The following PCDHGA6 variants were observed in gnomAD, a reference collection of about 807,000 sequenced individuals.
The protein encoded by PCDHGA6 is protocadherin gamma-A6.
PCDHGA6 carries 41 observed loss-of-function variants against 60.6 expected under a neutral mutation model. The ratio of observed to expected loss-of-function variants is 0.68; its 90% confidence interval spans 0.53 to 0.88. PCDHGA6 has a LOEUF of 0.88. Ranked by LOEUF, PCDHGA6 falls within the 40% of genes least tolerant of loss-of-function variation. PCDHGA6 has a pLI of 0.00. For missense variants in PCDHGA6, 1,312 were observed against 1,203.0 expected (o/e 1.09, Z -1.34); for synonymous variants, 594 against 524.4 (o/e 1.13, Z -1.81).
Position 141,375,076 on chromosome 5 carries a change from G to T in PCDHGA6, c.993G>T (p.Ala331=). 1 of 1,614,010 alleles carries T rather than the reference G, an allele frequency of 6.2e-7. No homozygotes were observed. The highest frequency in any genetic ancestry group is 8.5e-7 in the Non-Finnish European group (1 of 1,179,900). ...ARDGPGLRDR[A]KVLITILDVN... The stretch of plus-strand genomic sequence containing the variant: ...ATGGGCCAGGTCTTCGAGACAGAGC[G>T]AAAGTCTTAATAACTATCTTGGATG... The change falls in exon 1 of 4, where the codon GCG becomes GCT. Residue 331 remains alanine, a synonymous_variant. Transcript: ENST00000517434.
chr5:141,376,602 A>C, intron 1 of PCDHGA6, 95 bp downstream of exon 1: 1 of 1,521,112 alleles, frequency 6.6e-7, no homozygotes, highest in Non-Finnish European at 8.9e-7. Context: ...CTGTTATAGA[A>C]GCGAACCTCT....
Position 141,400,401 on chromosome 5 carries a change from G to A in PCDHGA6, c.2424+23894G>A, listed in dbSNP as rs760681088. 4 of 1,613,936 alleles carry A rather than the reference G, an allele frequency of 2.5e-6. No homozygotes were observed. The South Asian group carries it at 4.4e-5, about 18-fold the overall frequency. ...TATGTGTTGCACATACAGGAAAGAC[G>A]GAGTTTAATTTCCTAAAATGTAGTG... On this transcript the variant is annotated intron_variant, in intron 1 of 3. Transcript: ENST00000517434.
intron 1 of PCDHGA6, among the ~76,000 whole-genome samples, chr5:141,444,466 C>T (rs539222916): frequency 7.9e-5 from 12 of 152,100 alleles, no homozygotes; most frequent in East Asian, 1.9e-4. Context: ...TCACTGCGCC[C>T]GGTCGCGTAC....
At chr5:141,404,161 ATTG>A in intron 1 of PCDHGA6, 1 of 1,613,152 alleles carries the variant, frequency 6.2e-7, no homozygotes, top group South Asian at 1.1e-5. Context: ...ATTATTACAG[ATTG>A]TTGACGGCCC....
In PCDHGA6 at chr5:141,375,842, C is replaced by A. The variant is rs547807235; in HGVS notation, c.1759C>A (p.Leu587Met). 8.1e-6 allele frequency: 13 copies of A among 1,614,122 alleles called. No homozygotes were observed. Among genetic ancestry groups the A allele is most frequent in the Non-Finnish European group, 1.1e-5 (13 of 1,180,040 alleles). ...LAPRSAEPGY[L>M]VTKVVAVDRD... ...GCCCCGCTCCGCAGAGCCCGGCTAC[C>A]TGGTGACCAAGGTGGTGGCGGTGGA... Residue 587 changes from leucine to methionine, a missense_variant, in exon 1 of 4, where the codon CTG becomes ATG. By Grantham distance (15) the Leu-to-Met change is conservative. Transcript: ENST00000517434.
chr5:141,376,025 G>A lies in PCDHGA6; in HGVS notation c.1942G>A (p.Asp648Asn), dbSNP rs1561571387. ...LKQSLVVAVQDHGQPPLSATV... is the reference protein window; with the variant it reads ...LKQSLVVAVQNHGQPPLSATV... ...GCAGAGCCTAGTGGTGGCCGTCCAG[G>A]ACCACGGCCAGCCCCCTCTCTCCGC... Residue 648 changes from aspartate to asparagine, a missense_variant, in exon 1 of 4, where the codon GAC becomes AAC. Asp to Asn is a conservative substitution (Grantham distance 23). Transcript: ENST00000517434. The A allele has an allele frequency of 6.2e-7, 1 of 1,613,266 alleles. No homozygotes were observed. The highest frequency in any genetic ancestry group is 2.2e-5 in the East Asian group (1 of 44,864).
intron 2 of PCDHGA6, among the ~76,000 whole-genome samples, chr5:141,503,682 G>A (rs1430771639): frequency 1.3e-5 from 2 of 151,974 alleles, no homozygotes; most frequent in South Asian, 4.1e-4. Flanking sequence ...CTTTTGGGAA[G>A]GAGAATTGAG....
At chr5:141,389,822 C>A in intron 1 of PCDHGA6, 3 of 1,613,932 alleles carry the variant, frequency 1.9e-6, no homozygotes, top group Middle Eastern at 1.6e-4. Context: ...CCGTGCGTGA[C>A]GGTGGACAGC....
At position 141,476,719 on chromosome 5, in the gene PCDHGA6, C is replaced by T; in HGVS notation, c.2425-18088C>T. ...ACGCGGAGCTGGTGTTGGAGCGCGC[C>T]CTGGACCGAGAACGGGAGCCTAGTC... On this transcript the variant is annotated intron_variant, in intron 1 of 3. Coordinates refer to ENST00000517434, the MANE Select transcript of PCDHGA6 (RefSeq NM_018919.3). The surrounding 1 kb of genome is among the most constrained non-coding windows in gnomAD (Gnocchi z 7.6). The T allele has an allele frequency of 6.2e-7, 1 of 1,614,154 alleles. No homozygotes were observed.
At chr5:141,395,727 T>G (rs895493332) in intron 1 of PCDHGA6, 1 of 153,998 alleles carries the variant, frequency 6.5e-6, no homozygotes, top group Non-Finnish European at 1.4e-5. Flanking sequence ...TGTAGATTTC[T>G]TCACTTTAAA....
In PCDHGA6 at chr5:141,374,497, G is replaced by A. The variant is rs778938878; in HGVS notation, c.414G>A (p.Leu138=). The change falls in exon 1 of 4, where the codon TTG becomes TTA. Residue 138 remains leucine, a synonymous_variant. Coordinates refer to ENST00000517434, the MANE Select transcript of PCDHGA6 (RefSeq NM_018919.3). ...DNTPRFLKEE[L]EVKILENAAP... ...CACCCCGATTCTTAAAGGAAGAATT[G>A]GAAGTGAAAATTCTCGAAAACGCAG... 7.4e-6 allele frequency: 12 copies of A among 1,611,444 alleles called. No homozygotes were observed. The Admixed American group carries it at 1.2e-4, about 16-fold the overall frequency.
intron 1 of PCDHGA6, chr5:141,405,038 G>C: frequency 6.2e-7 from 1 of 1,613,964 alleles, no homozygotes; most frequent in Non-Finnish European, 8.5e-7. Context: ...CCTCGTTGTG[G>C]CTGTGGCAGT....
rs996353495 is a variant in PCDHGA6, at chr5:141,485,101, T to G, written c.2425-9706T>G. 12 of 1,158,090 alleles carry G rather than the reference T, an allele frequency of 1.0e-5. No individual in the cohort carries two copies. Among genetic ancestry groups the G allele is most frequent in the Non-Finnish European group, 1.4e-5 (11 of 786,830 alleles). The allele number at this position is 1,158,090 out of a possible 1,614,324, so 71.7% of individuals were successfully genotyped here. ...GGAAAGGGAGATAGGTGTCTCCAGC[T>G]GCTGTGGCTGTTTGGGGCGGGTCGG... On this transcript the variant is annotated intron_variant, in intron 1 of 3. Transcript: ENST00000517434. This position sits in a 1 kb window ranked among gnomAD's most constrained non-coding sequence, Gnocchi z 5.7.
intron 1 of PCDHGA6, among the ~76,000 whole-genome samples, chr5:141,475,442 T>A (rs1007534176): frequency 1.3e-5 from 2 of 152,238 alleles, no homozygotes; most frequent in African/African-American, 4.8e-5. Context: ...TAGCTCCAGA[T>A]AATGAGGAAG....
intron 1 of PCDHGA6, chr5:141,398,705 A>G (rs778909536): frequency 6.2e-7 from 1 of 1,613,874 alleles, no homozygotes; most frequent in Admixed American, 1.7e-5. Flanking sequence ...AAATACCCGG[A>G]ACTGGCACTG....
Position 141,410,843 on chromosome 5 carries a change from CTT to C in PCDHGA6, c.2424+34338_2424+34339del, listed in dbSNP as rs1452086070. 5.3e-4 allele frequency: 115 copies of C among 216,326 alleles called. 1 individual carries two copies. In the East Asian group the frequency reaches 7.7e-3, roughly 14 times the overall value. 13.4% of individuals were successfully genotyped at this position (216,326 alleles called of 1,614,324 possible). A position where few individuals can be genotyped will look rare whatever the true frequency, so the allele number is the denominator to read the frequency against. The stretch of plus-strand genomic sequence containing the variant: ...TGTCACCAGACTGAAGATATTTTGT[CTT>C]TGTCTTTTTTTTTTTTTTTTTTTTT... On this transcript the variant is annotated intron_variant, in intron 1 of 3. Transcript: ENST00000517434.
intron 1 of PCDHGA6, chr5:141,405,443 A>G (rs2154536495): frequency 7.2e-7 from 1 of 1,381,938 alleles, no homozygotes; most frequent in Non-Finnish European, 1.0e-6. Flanking sequence ...TTTTTGAGAC[A>G]GAGTCTTACT....
chr5:141,390,479 T>C lies in PCDHGA6; in HGVS notation c.2424+13972T>C, dbSNP rs143576019. On this transcript the variant is annotated intron_variant, in intron 1 of 3. Coordinates refer to ENST00000517434, the MANE Select transcript of PCDHGA6 (RefSeq NM_018919.3). Reference sequence around the variant, plus strand: ...GTAGGAGCAATTGTGTGGCCCAACATTTGTTTGTTTTTTAGCCAAGCTTAG... The same window carrying C: ...GTAGGAGCAATTGTGTGGCCCAACACTTGTTTGTTTTTTAGCCAAGCTTAG... 1.6e-3 allele frequency: 1,064 copies of C among 668,890 alleles called. 6 individuals are homozygous for C. The highest frequency in any genetic ancestry group is 0.016 in the African/African-American group (871 of 55,142). The allele number at this position is 668,890 out of a possible 1,614,324, so 41.4% of individuals were successfully genotyped here.
At chr5:141,456,899 G>T (rs1592472053) in intron 1 of PCDHGA6, among the ~76,000 whole-genome samples, 1 of 152,212 alleles carries the variant, frequency 6.6e-6, no homozygotes, top group East Asian at 1.9e-4. Context: ...GGAGGCAGAG[G>T]TTGCAGTGAG....
Sources: gnomAD v4.1 joint callset for allele counts (sites outside exome capture counted in the v4.1 genomes callset) on GRCh38, gnomAD v4.1.1 for gene constraint, Gnocchi (gnomAD v3.1) non-coding constraint, MANE v1.5 for transcripts, NCBI Gene and HGNC (gene_info 2026-07-23, HGNC 2026-07-21) for gene names.